RIMS2: variants seen among roughly 807,000 people sequenced by gnomAD.
The protein encoded by RIMS2 is regulating synaptic membrane exocytosis protein 2.
Under a neutral mutation model 174.4 loss-of-function variants are expected in RIMS2, and 59 were observed. The observed-to-expected ratio is 0.34, with a 90% CI of 0.27 to 0.42. RIMS2 has a LOEUF of 0.42. RIMS2 is among the 10% of genes least tolerant of loss of function. The pLI, the probability that RIMS2 is intolerant of heterozygous loss-of-function variation, is 1.00. For synonymous variants in RIMS2, 606 were observed against 572.5 expected (o/e 1.06, Z -0.84); for missense variants, 1,620 against 1,666.3 (o/e 0.97, Z 0.48).
At chr8:103,752,936 T>A (rs2097914096) in intron 2 of RIMS2, among the ~76,000 whole-genome samples, 1 of 152,024 alleles carries the variant, frequency 6.6e-6, no homozygotes, top group Non-Finnish European at 1.5e-5. Flanking sequence ...TTCCTTCTCC[T>A]GCCTAATTGC....
intron 19 of RIMS2, among the ~76,000 whole-genome samples, chr8:104,080,584 T>G (rs1439269194): frequency 6.6e-6 from 1 of 152,006 alleles, no homozygotes; most frequent in Non-Finnish European, 1.5e-5. Flanking sequence ...TAAGTTTGAA[T>G]TGACACTTGT....
At position 103,698,495 on chromosome 8, in the gene RIMS2, A is replaced by G. The variant is rs6997154; in HGVS notation, c.387+1199A>G. Among the ~76,000 whole-genome samples, 763 of 152,264 alleles carry G rather than the reference A, an allele frequency of 5.0e-3. 8 individuals carry two copies. Among genetic ancestry groups the G allele is most frequent in the African/African-American group, 0.017 (724 of 41,550 alleles). On this transcript the variant is annotated intron_variant, in intron 2 of 23. Transcript: ENST00000504942. ...AAATGTGTTTTCTCTATCTGTTGAG[A>G]TTAATCATATGTTTTTTATTTTGTT... is the stretch of plus-strand genomic sequence containing the variant.
At chr8:103,942,416 C>T (rs1255646090) in intron 13 of RIMS2, among the ~76,000 whole-genome samples, 1 of 151,750 alleles carries the variant, frequency 6.6e-6, no homozygotes, top group Non-Finnish European at 1.5e-5. Flanking sequence ...TAGGTTGACT[C>T]TAAATAAAAA....
intron 1 of RIMS2, among the ~76,000 whole-genome samples, chr8:103,537,495 T>C (rs922518246): frequency 3.9e-5 from 6 of 152,216 alleles, no homozygotes; most frequent in African/African-American, 1.4e-4. Context: ...CCTTCTGTTC[T>C]ACCAGGACAG....
chr8:103,687,485 C>G (rs2096956538), intron 1 of RIMS2, among the ~76,000 whole-genome samples: 1 of 151,778 alleles, frequency 6.6e-6, no homozygotes, highest in Admixed American at 6.6e-5. Context: ...TGATTCAATC[C>G]AGCTAATTAC....
chr8:104,055,997 A>G (rs1449408960), intron 19 of RIMS2, among the ~76,000 whole-genome samples: 3 of 152,174 alleles, frequency 2.0e-5, no homozygotes, highest in African/African-American at 7.2e-5. Flanking sequence ...GGGAAATGTA[A>G]TGAATGCAGT....
At chr8:104,235,314 A>G (rs543638525) in intron 19 of RIMS2, among the ~76,000 whole-genome samples, 2 of 152,250 alleles carry the variant, frequency 1.3e-5, no homozygotes, top group Admixed American at 6.5e-5. Flanking sequence ...AGGTTTTGAC[A>G]TTGCCAAAAT....
intron 19 of RIMS2, chr8:104,148,824 A>G (rs1171895150): frequency 6.3e-7 from 1 of 1,598,376 alleles, no homozygotes; most frequent in Non-Finnish European, 8.5e-7. Flanking sequence ...GAAAAGTCGC[A>G]GTGCTTCTCA....
At chr8:103,782,966 C>T (rs1034701611) in intron 3 of RIMS2, among the ~76,000 whole-genome samples, 5 of 152,172 alleles carry the variant, frequency 3.3e-5, no homozygotes, top group African/African-American at 4.8e-5. Flanking sequence ...TAAAAACATA[C>T]TTTTTAAATT....
At chr8:104,110,037 G>A (rs562152881) in intron 19 of RIMS2, among the ~76,000 whole-genome samples, 1 of 152,244 alleles carries the variant, frequency 6.6e-6, no homozygotes, top group South Asian at 2.1e-4. Flanking sequence ...ATGGATAAGT[G>A]TACAAATGAT....
At chr8:103,586,108 T>C (rs2093907039) in intron 1 of RIMS2, among the ~76,000 whole-genome samples, 1 of 152,130 alleles carries the variant, frequency 6.6e-6, no homozygotes, top group Non-Finnish European at 1.5e-5. Flanking sequence ...GGAAATATTA[T>C]TAGAGCTAAA....
At chr8:104,086,642 A>C (rs966695687) in intron 19 of RIMS2, among the ~76,000 whole-genome samples, 5 of 152,122 alleles carry the variant, frequency 3.3e-5, no homozygotes, top group Non-Finnish European at 5.9e-5. Context: ...CAGCTGGTTC[A>C]TTAGTAAGTC....
At position 103,554,965 on chromosome 8, in the gene RIMS2, G is replaced by T. The variant is rs78361643; in HGVS notation, c.176+53903G>T. Among the ~76,000 whole-genome samples the T allele has an allele frequency of 6.3e-3, 959 of 152,260 alleles. 6 individuals carry two copies. Among genetic ancestry groups the T allele is most frequent in the Middle Eastern group, 0.024 (7 of 294 alleles). Reference sequence around the variant, plus strand: ...AAATACCACATGTTCTCATGTGTAAGTATGGGCTAAACGTTGAGTACACAT... The same window carrying T: ...AAATACCACATGTTCTCATGTGTAATTATGGGCTAAACGTTGAGTACACAT... On this transcript the variant is annotated intron_variant, in intron 1 of 23. Coordinates refer to ENST00000504942, the Ensembl canonical transcript of RIMS2.
chr8:103,942,717 C>T, intron 13 of RIMS2, 56 bp from the exon 16 acceptor site: 5 of 1,243,638 alleles, frequency 4.0e-6, no homozygotes, highest in Non-Finnish European at 5.7e-6. Flanking sequence ...GACCATTTAA[C>T]ATAATTTCTT....
At chr8:104,032,143 A>G (rs564586008) in intron 19 of RIMS2, among the ~76,000 whole-genome samples, 69 of 152,202 alleles carry the variant, frequency 4.5e-4, no homozygotes, top group Middle Eastern at 3.4e-3. Flanking sequence ...TCAATATACT[A>G]TCTAAAGTTT....
intron 19 of RIMS2, among the ~76,000 whole-genome samples, chr8:104,131,994 A>G (rs2098477726): frequency 6.6e-6 from 1 of 152,168 alleles, no homozygotes. Flanking sequence ...ATGAGAGGAT[A>G]AAAGTAAAGA....
At chr8:103,547,347 G>A (rs1341478683) in intron 1 of RIMS2, among the ~76,000 whole-genome samples, 1 of 151,764 alleles carries the variant, frequency 6.6e-6, no homozygotes, top group Non-Finnish European at 1.5e-5. Context: ...TGAAGATATT[G>A]AAAAAAAATC....
intron 2 of RIMS2, among the ~76,000 whole-genome samples, chr8:103,753,272 C>T (rs1351663723): frequency 2.0e-5 from 3 of 152,068 alleles, no homozygotes; most frequent in African/African-American, 7.2e-5. Flanking sequence ...GCCTCGCATC[C>T]CAGGGATGAA....
intron 3 of RIMS2, among the ~76,000 whole-genome samples, chr8:103,871,096 TA>T (rs2099109294): frequency 6.6e-6 from 1 of 152,186 alleles, no homozygotes. Context: ...AAGTATGATA[TA>T]AATAATTCCA....
Sources: allele counts gnomAD v4.1 joint callset (sites outside exome capture counted in the v4.1 genomes callset), GRCh38; gene constraint gnomAD v4.1.1; transcripts MANE v1.5; gene names NCBI Gene and HGNC (gene_info 2026-07-23, HGNC 2026-07-21).